The following SUCLG1 variants were observed in gnomAD, a reference collection of about 807,000 sequenced individuals.
SUCLG1 encodes the protein succinate--CoA ligase [ADP/GDP-forming] subunit alpha, mitochondrial.
Under a neutral mutation model 37.3 loss-of-function variants are expected in SUCLG1, and 26 were observed. The observed-to-expected ratio is 0.70, with a 90% CI of 0.51 to 0.97. The LOEUF (loss-of-function observed/expected upper bound fraction) is 0.97. SUCLG1 is among the 50% of genes least tolerant of loss of function. The pLI, the probability that SUCLG1 is intolerant of heterozygous loss-of-function variation, is 0.00. For synonymous variants in SUCLG1, 163 were observed against 155.6 expected (o/e 1.05, Z -0.36); for missense variants, 433 against 432.9 (o/e 1.00, Z 0.00).
chr2:84,437,329 A>G (rs2364905), intron 5 of SUCLG1, among the ~76,000 whole-genome samples: 134,883 of 152,260 alleles, frequency 0.89, 60,192 homozygotes, highest in Non-Finnish European at 0.93. Context: ...AAAATAAACC[A>G]TAAAAATGTA....
chr2:84,434,933 C>G (rs992946857), intron 5 of SUCLG1, among the ~76,000 whole-genome samples: 1 of 152,170 alleles, frequency 6.6e-6, no homozygotes, highest in Non-Finnish European at 1.5e-5. Context: ...ATGGTGTGTA[C>G]GTAACTTAGT....
At chr2:84,425,919 G>A (rs909676148) in intron 7 of SUCLG1, 2 of 372,158 alleles carry the variant, frequency 5.4e-6, no homozygotes, top group East Asian at 6.5e-5. Context: ...TATGATTTGC[G>A]ATAATAATAA....
Position 84,449,648 on chromosome 2 carries a change from C to T in SUCLG1, c.201+1G>A. On this transcript the variant is annotated splice_donor_variant, in intron 2 of 8. Coordinates refer to ENST00000393868, the MANE Select transcript of SUCLG1 (RefSeq NM_003849.4). LOFTEE classifies it high-confidence loss of function. ...GAAAATAAAAATCTAGATATACATA[C>T]CTGTTTGCCAGTGAAACCCTGGCAA... is the stretch of plus-strand genomic sequence containing the variant. 1.3e-6 allele frequency: 2 copies of T among 1,575,692 alleles called. No homozygotes were observed. Among genetic ancestry groups the T allele is most frequent in the Non-Finnish European group, 1.7e-6 (2 of 1,155,292 alleles).
chr2:84,459,160 T>C lies in SUCLG1; in HGVS notation c.97+13A>G, dbSNP rs919816514. The C allele has an allele frequency of 5.2e-6, 8 of 1,548,314 alleles. No individual in the cohort carries two copies. Among genetic ancestry groups the C allele is most frequent in the Middle Eastern group, 1.7e-4 (1 of 5,996 alleles). On this transcript the variant is annotated intron_variant, in intron 1 of 8. Transcript: ENST00000393868. Reference sequence around the variant, plus strand: ...CCCGCGGGCGCCAGGAAGACAGTACTGGCTGGACTCACGGAGGAAGCTGCG... The same window carrying C: ...CCCGCGGGCGCCAGGAAGACAGTACCGGCTGGACTCACGGAGGAAGCTGCG...
chr2:84,439,973 T>C (rs1469345788), intron 5 of SUCLG1, among the ~76,000 whole-genome samples: 1 of 152,214 alleles, frequency 6.6e-6, no homozygotes, highest in African/African-American at 2.4e-5. Context: ...TGAGCAGGTA[T>C]GTGAATGGCC....
chr2:84,440,476 GAACT>G (rs1374691608), intron 5 of SUCLG1, among the ~76,000 whole-genome samples: 3 of 152,202 alleles, frequency 2.0e-5, no homozygotes, highest in Non-Finnish European at 4.4e-5. Context: ...CCACTTTGCA[GAACT>G]ATTTGGCAGT....
intron 8 of SUCLG1, 51 bp downstream of exon 8, chr2:84,425,364 C>T: frequency 3.7e-6 from 6 of 1,610,100 alleles, no homozygotes; most frequent in Non-Finnish European, 5.1e-6. Flanking sequence ...TGTGGCCACA[C>T]ACAGAGAAAG....
In SUCLG1 at chr2:84,423,790, A is replaced by G. The variant is rs961127893; in HGVS notation, c.1015-18T>C. ...TCAAATTCCTTCAGAAACAGAAGAG[A>G]GAGAGAAGAGAGATGGAATGAATAA... On this transcript the variant is annotated intron_variant, in intron 8 of 8. Coordinates refer to ENST00000393868, the MANE Select transcript of SUCLG1 (RefSeq NM_003849.4). 6 of 1,602,482 alleles carry G rather than the reference A, an allele frequency of 3.7e-6. No individual in the cohort carries two copies. Among genetic ancestry groups the G allele is most frequent in the Non-Finnish European group, 5.1e-6 (6 of 1,174,092 alleles).
intron 2 of SUCLG1, among the ~76,000 whole-genome samples, chr2:84,444,947 T>C (rs966192947): frequency 1.3e-5 from 2 of 152,224 alleles, no homozygotes; most frequent in African/African-American, 4.8e-5. Context: ...GTTATCCTGT[T>C]CCTTTTTCAT....
At chr2:84,425,626 A>C in intron 7 of SUCLG1, 23 bp from the exon 8 acceptor site, 1 of 1,613,430 alleles carries the variant, frequency 6.2e-7, no homozygotes. Context: ...TAATATTTTA[A>C]ATGCTCTAAT....
At chr2:84,425,351 C>T (rs1044675062) in intron 8 of SUCLG1, 64 bp downstream of exon 8, 98 of 1,589,458 alleles carry the variant, frequency 6.2e-5, no homozygotes, top group Non-Finnish European at 7.5e-5. Flanking sequence ...TCCAGGTATC[C>T]AGTGTGGCCA....
intron 2 of SUCLG1, among the ~76,000 whole-genome samples, chr2:84,445,733 A>G (rs1241672549): frequency 6.6e-6 from 1 of 152,098 alleles, no homozygotes; most frequent in African/African-American, 2.4e-5. Context: ...TACTGCTATC[A>G]CCTTGGTCTA....
rs972913239 is a variant in SUCLG1 at position 84,423,621 on chromosome 2, C to A, written c.*125G>T. 1 of 962,916 alleles carries A rather than the reference C, an allele frequency of 1.0e-6. No individual in the cohort carries two copies. Among genetic ancestry groups the A allele is most frequent in the Admixed American group, 2.0e-5 (1 of 49,908 alleles). 59.6% of individuals were successfully genotyped at this position (962,916 alleles called of 1,614,324 possible). A position where few individuals can be genotyped will look rare whatever the true frequency, so the allele number is the denominator to read the frequency against. On this transcript the variant is annotated 3_prime_UTR_variant, in exon 9 of 9. Coordinates refer to ENST00000393868, the MANE Select transcript of SUCLG1 (RefSeq NM_003849.4). ...ACATCTTCCACCTTGTTTTGGCTTC[C>A]AGTTGTACTGCAAGACCAGTGTCAG... is the stretch of plus-strand genomic sequence containing the variant.
chr2:84,433,076 C>A, intron 6 of SUCLG1: 1 of 496,696 alleles, frequency 2.0e-6, no homozygotes, highest in Non-Finnish European at 3.6e-6. Flanking sequence ...TTCTTCAGAG[C>A]AATCAAACCA....
At chr2:84,431,456 A>G (rs1476422403) in intron 7 of SUCLG1, 52 bp downstream of exon 7, 5 of 1,604,434 alleles carry the variant, frequency 3.1e-6, no homozygotes, top group Non-Finnish European at 4.3e-6. Context: ...CTTCTGAAAC[A>G]AGCCTCTGAT....
At position 84,425,428 on chromosome 2, in the gene SUCLG1, G is replaced by A. The variant is rs1260554607; in HGVS notation, c.1001C>T (p.Thr334Ile). 1 of 1,614,174 alleles carries A rather than the reference G, an allele frequency of 6.2e-7. No individual in the cohort carries two copies. The highest frequency in any genetic ancestry group is 1.7e-5 in the Admixed American group (1 of 60,028). The change falls in exon 8 of 9, where the codon ACC becomes ATC. Residue 334 changes from threonine (T) to isoleucine (I), a missense_variant. By Grantham distance (89) the Thr-to-Ile change is moderately conservative. Coordinates refer to ENST00000393868, the MANE Select transcript of SUCLG1 (RefSeq NM_003849.4). ...VVSMSPAQLG[T>I]TIYKEFEKRK... Reference sequence around the variant, plus strand: ...GTTGGAGCTCACCTTGTAGATCGTGGTTCCCAGCTGTGCAGGAGACATACT... The same window carrying A: ...GTTGGAGCTCACCTTGTAGATCGTGATTCCCAGCTGTGCAGGAGACATACT...
At chr2:84,449,576 T>C (rs773272968) in intron 2 of SUCLG1, 73 bp downstream of exon 2, 29 of 1,045,020 alleles carry the variant, frequency 2.8e-5, no homozygotes, top group Non-Finnish European at 3.7e-5. Flanking sequence ...TTTTGAGATA[T>C]TAAAAATAAA....
At chr2:84,433,587 G>A (rs1672642030) in intron 5 of SUCLG1, 152 bp from the exon 6 acceptor site, 1 of 691,276 alleles carries the variant, frequency 1.4e-6, no homozygotes, top group South Asian at 1.7e-5. Flanking sequence ...TTCAAACGAT[G>A]AAATGAAAAG....
intron 5 of SUCLG1, 169 bp from the exon 6 acceptor site, chr2:84,433,604 C>T: frequency 1.5e-6 from 1 of 651,308 alleles, no homozygotes; most frequent in East Asian, 2.8e-5. Flanking sequence ...AAAGGAAAGG[C>T]TTAAATTCAA....
Sources: allele counts gnomAD v4.1 joint callset (sites outside exome capture counted in the v4.1 genomes callset), GRCh38; gene constraint gnomAD v4.1.1; transcripts MANE v1.5; gene names NCBI Gene and HGNC (gene_info 2026-07-23, HGNC 2026-07-21).